The following REEP4 variants were observed in gnomAD, a reference collection of about 807,000 sequenced individuals.
The protein encoded by REEP4 is receptor accessory protein 4, also known as receptor expression-enhancing protein 4.
REEP4 carries 17 observed loss-of-function variants against 33.5 expected under a neutral mutation model. The ratio of observed to expected loss-of-function variants is 0.51; its 90% confidence interval spans 0.35 to 0.76. The LOEUF is 0.76. REEP4 is among the 30% of genes least tolerant of loss of function. REEP4 has a pLI of 0.01. For missense variants in REEP4, 340 were observed against 357.9 expected (o/e 0.95, Z 0.40); for synonymous variants, 157 against 142.9 (o/e 1.10, Z -0.70).
Position 22,140,628 on chromosome 8 carries a change from TTC to T in REEP4, c.100_101del (p.Glu34IlefsTer33). 1 of 1,613,546 alleles carries T rather than the reference TTC, an allele frequency of 6.2e-7. No homozygotes were observed. Among genetic ancestry groups the T allele is most frequent in the East Asian group, 2.2e-5 (1 of 44,874 alleles). On this transcript the variant is annotated frameshift_variant, in exon 2 of 8. Coordinates refer to ENST00000306306, the MANE Select transcript of REEP4 (RefSeq NM_025232.4). LOFTEE classifies it high-confidence loss of function. The stretch of plus-strand genomic sequence containing the variant: ...ACACCCAAACCCCCACGCTCACATA[TTC>T]ACGAATGTTCTTGGTCTTCACAGCC... ...YKAVKTKNIR[E>X]YVRWMMYWIV...
In REEP4 at chr8:22,141,592, G is replaced by A. The variant is rs1361757161; in HGVS notation, c.-110C>T. 24 of 1,157,108 alleles carry A rather than the reference G, an allele frequency of 2.1e-5. No individual in the cohort carries two copies. The highest frequency in any genetic ancestry group is 2.9e-5 in the Non-Finnish European group (24 of 827,306). The allele number at this position is 1,157,108 out of a possible 1,614,324, so 71.7% of individuals were successfully genotyped here. ...GGGCAGTTGCGGGAAGCAGAGGGGCGATCCGGCTGTCCCTCGGCGGAGGCA... is the reference window on the plus strand; with the variant it reads ...GGGCAGTTGCGGGAAGCAGAGGGGCAATCCGGCTGTCCCTCGGCGGAGGCA... On this transcript the variant is annotated 5_prime_UTR_variant, in exon 1 of 8. Transcript: ENST00000306306.
At position 22,140,083 on chromosome 8, in the gene REEP4, C is replaced by CGTT; in HGVS notation, c.183-1_183insAAC (p.Trp61delinsTer). 1 of 1,614,006 alleles carries CGTT rather than the reference C, an allele frequency of 6.2e-7. No individual in the cohort carries two copies. The highest frequency in any genetic ancestry group is 8.5e-7 in the Non-Finnish European group (1 of 1,179,942). On this transcript the variant is annotated stop_gained and splice_region_variant. Coordinates refer to ENST00000306306, the MANE Select transcript of REEP4 (RefSeq NM_025232.4). LOFTEE classifies it high-confidence loss of function. ...TCTTGATCTCATAGTAGAAAGGGAA[C>CGTT]CTGTCACAGCACAAGGGGCAGGGTG...
chr8:22,140,973 CTG>C (rs1458123240), intron 1 of REEP4, among the ~76,000 whole-genome samples: 2 of 152,216 alleles, frequency 1.3e-5, no homozygotes, highest in Admixed American at 1.3e-4. Flanking sequence ...GAACACCAGA[CTG>C]TCCCCTCCCA....
chr8:22,139,341 G>A (rs1285581763), intron 5 of REEP4, 75 bp downstream of exon 5: 1 of 1,287,588 alleles, frequency 7.8e-7, no homozygotes, highest in Non-Finnish European at 1.1e-6. Flanking sequence ...GGGCTCCCTG[G>A]CAGAGGAGCT....
rs113468757 is a variant in REEP4, at chr8:22,138,919, C to T, written c.553+7G>A. On this transcript the variant is annotated splice_region_variant and intron_variant, in intron 6 of 7. Coordinates refer to ENST00000306306, the MANE Select transcript of REEP4 (RefSeq NM_025232.4). Reference sequence around the variant, plus strand: ...TGGCATGGCTCTGGGCCCCTCTGCCCGCTCACCAATGGGTGGCCTCCGGTG... The same window carrying T: ...TGGCATGGCTCTGGGCCCCTCTGCCTGCTCACCAATGGGTGGCCTCCGGTG... 1.1e-4 allele frequency: 170 copies of T among 1,572,102 alleles called. 1 individual carries two copies. The African/African-American group carries it at 1.3e-3, about 12-fold the overall frequency.
Position 22,141,308 on chromosome 8 carries a change from G to A in REEP4, c.32+143C>T, listed in dbSNP as rs1174142030. 7.9e-6 allele frequency: 8 copies of A among 1,008,958 alleles called. No homozygotes were observed. The African/African-American group carries it at 8.4e-5, about 11-fold the overall frequency. The allele number at this position is 1,008,958 out of a possible 1,614,324, so 62.5% of individuals were successfully genotyped here. On this transcript the variant is annotated intron_variant, in intron 1 of 7. Coordinates refer to ENST00000306306, the MANE Select transcript of REEP4 (RefSeq NM_025232.4). ...GCGGTGCCCCAGACACCGCGTGCAA[G>A]CCCACAGGTCCGTTAACCCTTGCAT...
At chr8:22,141,020 G>C (rs1037602484) in intron 1 of REEP4, among the ~76,000 whole-genome samples, 12 of 152,274 alleles carry the variant, frequency 7.9e-5, no homozygotes, top group Admixed American at 5.9e-4. Context: ...CACCAGACCT[G>C]ACACTGCTGG....
At chr8:22,139,676 A>C in intron 4 of REEP4, 147 bp from the exon 5 acceptor site, 1 of 731,100 alleles carries the variant, frequency 1.4e-6, no homozygotes, top group Non-Finnish European at 2.2e-6. Context: ...CCACAAACAC[A>C]GACCAAGAGC....
At chr8:22,139,665 GC>G (rs1827195120) in intron 4 of REEP4, 136 bp from the exon 5 acceptor site, 1 of 758,070 alleles carries the variant, frequency 1.3e-6, no homozygotes, top group African/African-American at 1.8e-5. Flanking sequence ...ACAAATCCGG[GC>G]CACAAACACA....
Position 22,141,577 on chromosome 8 carries a change from G to A in REEP4, c.-95C>T. On this transcript the variant is annotated 5_prime_UTR_variant, in exon 1 of 8. Coordinates refer to ENST00000306306, the MANE Select transcript of REEP4 (RefSeq NM_025232.4). ...GACGGGGGGTGATCAGGGCAGTTGC[G>A]GGAAGCAGAGGGGCGATCCGGCTGT... 1.5e-6 allele frequency: 2 copies of A among 1,299,852 alleles called. No individual in the cohort carries two copies. Among genetic ancestry groups the A allele is most frequent in the South Asian group, 1.5e-5 (1 of 67,314 alleles). The allele number at this position is 1,299,852 out of a possible 1,614,324, so 80.5% of individuals were successfully genotyped here.
At chr8:22,140,938 G>A (rs1331088795) in intron 1 of REEP4, among the ~76,000 whole-genome samples, 1 of 152,188 alleles carries the variant, frequency 6.6e-6, no homozygotes, top group Non-Finnish European at 1.5e-5. Flanking sequence ...GGAGTGAGAG[G>A]ACAGCCACTC....
At chr8:22,140,482 T>G in intron 2 of REEP4, 143 bp downstream of exon 2, 1 of 853,926 alleles carries the variant, frequency 1.2e-6, no homozygotes, top group East Asian at 2.4e-5. Context: ...ATCTACACCC[T>G]CTTGAACAGG....
intron 1 of REEP4, 112 bp downstream of exon 1, chr8:22,141,339 G>T: frequency 7.8e-7 from 1 of 1,289,972 alleles, no homozygotes; most frequent in Non-Finnish European, 1.1e-6. Context: ...TGCATGGAGT[G>T]CTGGAGGGTG....
Position 22,139,412 on chromosome 8 carries a change from G to C in REEP4, c.417+4C>G, listed in dbSNP as rs776031868. On this transcript the variant is annotated splice_donor_region_variant and intron_variant, in intron 5 of 7. Transcript: ENST00000306306. ...GCTGCTGGAGGGCTGGGGGCCCAGA[G>C]CACCTTGGTGGCAGCCTGCACAGCA... The C allele has an allele frequency of 6.2e-7, 1 of 1,601,226 alleles. No individual in the cohort carries two copies. The highest frequency in any genetic ancestry group is 2.2e-5 in the East Asian group (1 of 44,858).
intron 5 of REEP4, 30 bp from the exon 6 acceptor site, chr8:22,139,091 G>C (rs763547478): frequency 6.4e-7 from 1 of 1,559,546 alleles, no homozygotes; most frequent in Non-Finnish European, 8.7e-7. Flanking sequence ...TCAGCGGGGA[G>C]GCTGCCCAGG....
chr8:22,138,877 A>C (rs375417137), intron 6 of REEP4, 49 bp downstream of exon 6: 5 of 1,548,662 alleles, frequency 3.2e-6, no homozygotes, highest in Non-Finnish European at 3.5e-6. Flanking sequence ...GGTGTGAGTG[A>C]AGGAAGCCAT....
rs371774901 is a variant in REEP4 at position 22,140,179 on chromosome 8, T to C, written c.175A>G (p.Ile59Val). The stretch of plus-strand genomic sequence containing the variant: ...CGGACCCTGCGTCCATACCAGGAGA[T>C]AAAAATGTCTGTAACGATCTCTGCT... ...MAAEIVTDIFISWFPFYYEIK... is the reference protein window; with the variant it reads ...MAAEIVTDIFVSWFPFYYEIK... Residue 59 changes from isoleucine (I) to valine (V), a missense_variant, in exon 3 of 8, where the codon ATC becomes GTC. Coordinates refer to ENST00000306306, the MANE Select transcript of REEP4 (RefSeq NM_025232.4). 277 of 1,613,900 alleles carry C rather than the reference T, an allele frequency of 1.7e-4. No individual in the cohort carries two copies. Among genetic ancestry groups the C allele is most frequent in the Non-Finnish European group, 2.2e-4 (261 of 1,180,024 alleles).
intron 1 of REEP4, 50 bp from the exon 2 acceptor site, chr8:22,140,747 C>A: frequency 6.6e-7 from 1 of 1,521,690 alleles, no homozygotes; most frequent in Admixed American, 1.9e-5. Flanking sequence ...CCCACTCCCA[C>A]CTTGCCAAGT....
chr8:22,141,585 G>C lies in REEP4; in HGVS notation c.-103C>G. ...GTGATCAGGGCAGTTGCGGGAAGCA[G>C]AGGGGCGATCCGGCTGTCCCTCGGC... On this transcript the variant is annotated 5_prime_UTR_variant, in exon 1 of 8. Transcript: ENST00000306306. 4.0e-6 allele frequency: 5 copies of C among 1,249,760 alleles called. No homozygotes were observed. In the South Asian group the frequency reaches 7.7e-5, roughly 19 times the overall value. The allele number at this position is 1,249,760 out of a possible 1,614,324, so 77.4% of individuals were successfully genotyped here.
Sources: allele counts gnomAD v4.1 joint callset (sites outside exome capture counted in the v4.1 genomes callset), GRCh38; gene constraint gnomAD v4.1.1; transcripts MANE v1.5; gene names NCBI Gene and HGNC (gene_info 2026-07-23, HGNC 2026-07-21).